The following RGS6 variants were observed in gnomAD, a reference collection of about 807,000 sequenced individuals.
RGS6 encodes regulator of G-protein signaling 6.
A neutral mutation model predicts 78.5 loss-of-function variants in RGS6; 30 were observed. The observed-to-expected ratio is 0.38, with a 90% CI of 0.29 to 0.52. RGS6 has a LOEUF of 0.52. Ranked by LOEUF, RGS6 falls within the 20% of genes least tolerant of loss-of-function variation. The pLI is 0.85. For missense variants in RGS6, 495 were observed against 609.7 expected (o/e 0.81, Z 1.98); for synonymous variants, 206 against 206.0 (o/e 1.00, Z 0.00).
intron 2 of RGS6, among the ~76,000 whole-genome samples, chr14:72,246,629 G>A (rs943258873): frequency 1.3e-5 from 2 of 152,116 alleles, no homozygotes; most frequent in African/African-American, 4.8e-5. Flanking sequence ...ATTATTGAAG[G>A]CTTGGCGCAG....
chr14:72,234,417 GA>G (rs141834761), intron 2 of RGS6, among the ~76,000 whole-genome samples: 5 of 147,164 alleles, frequency 3.4e-5, no homozygotes, highest in African/African-American at 1.0e-4. Context: ...TTTGTGAGAA[GA>G]AAAAAAAAAC....
intron 2 of RGS6, among the ~76,000 whole-genome samples, chr14:72,215,528 G>T (rs1399026321): frequency 1.3e-5 from 2 of 152,158 alleles, no homozygotes; most frequent in Non-Finnish European, 2.9e-5. Context: ...AAGAGGCAGG[G>T]TCATTTATAA....
chr14:72,399,852 GAAAC>G lies in RGS6; in HGVS notation c.184+47666_184+47669del, dbSNP rs1316127943. Among the ~76,000 whole-genome samples, 5 of 152,266 alleles carry G rather than the reference GAAAC, an allele frequency of 3.3e-5. No homozygotes were observed. The South Asian group carries it at 6.2e-4, about 19-fold the overall frequency. On this transcript the variant is annotated intron_variant, in intron 3 of 17. Coordinates refer to ENST00000553525, the MANE Select transcript of RGS6 (RefSeq NM_001204424.2). ...AAGTTTAGAGAAAAAAGAATAAAAA[GAAAC>G]AAACAAAGCCTCCAAGAAATATGGG...
chr14:72,007,152 A>AT (rs34446409), intron 2 of RGS6, among the ~76,000 whole-genome samples: 99,118 of 148,762 alleles, frequency 0.67, 33,246 homozygotes, highest in Non-Finnish European at 0.73. Context: ...GTGCTTTCTG[A>AT]TTTTTTTTTT....
At chr14:72,558,920 G>C (rs2097628478) in intron 17 of RGS6, among the ~76,000 whole-genome samples, 1 of 152,186 alleles carries the variant, frequency 6.6e-6, no homozygotes, top group Non-Finnish European at 1.5e-5. Flanking sequence ...ACCATCCTCA[G>C]CTGCTTCGCT....
At chr14:72,347,006 G>A (rs890111868) in intron 2 of RGS6, among the ~76,000 whole-genome samples, 6 of 152,160 alleles carry the variant, frequency 3.9e-5, no homozygotes, top group African/African-American at 1.4e-4. Flanking sequence ...CTTGAAGAAG[G>A]ACATTCTCGT....
intron 3 of RGS6, among the ~76,000 whole-genome samples, chr14:72,362,617 C>G (rs2081664019): frequency 6.6e-6 from 1 of 152,196 alleles, no homozygotes; most frequent in South Asian, 2.1e-4. Context: ...TTAGATTGGG[C>G]TTCTTCACAG....
At chr14:72,531,171 G>A (rs1165486186) in intron 15 of RGS6, among the ~76,000 whole-genome samples, 4 of 152,146 alleles carry the variant, frequency 2.6e-5, no homozygotes, top group Non-Finnish European at 5.9e-5. Context: ...GGTGGCTCAC[G>A]CCTGTAATCC....
chr14:72,496,150 A>G (rs2096642019), intron 13 of RGS6, among the ~76,000 whole-genome samples: 1 of 152,244 alleles, frequency 6.6e-6, no homozygotes, highest in Admixed American at 6.5e-5. Context: ...ATGTGCATAA[A>G]GAAGAAAATG....
At chr14:72,103,469 C>T (rs933652159) in intron 2 of RGS6, among the ~76,000 whole-genome samples, 1 of 152,214 alleles carries the variant, frequency 6.6e-6, no homozygotes, top group African/African-American at 2.4e-5. Flanking sequence ...CTTTCATTAT[C>T]TCTTTTGCTC....
chr14:71,964,030 GTTT>G (rs36072896), intron 1 of RGS6, among the ~76,000 whole-genome samples: 1 of 147,476 alleles, frequency 6.8e-6, no homozygotes, highest in African/African-American at 2.5e-5. Flanking sequence ...CTTACTTGAG[GTTT>G]TTTTTTTTTA....
intron 2 of RGS6, among the ~76,000 whole-genome samples, chr14:72,186,577 T>C (rs541476642): frequency 3.6e-4 from 55 of 152,248 alleles, no homozygotes; most frequent in African/African-American, 1.1e-3. Flanking sequence ...TCTGGGATAA[T>C]AAAAACATTC....
chr14:72,048,775 A>G (rs2093039251), intron 2 of RGS6, among the ~76,000 whole-genome samples: 1 of 151,892 alleles, frequency 6.6e-6, no homozygotes, highest in Admixed American at 6.6e-5. Flanking sequence ...TTTCTATTCT[A>G]TTTTTTAAAC....
the RGS6 span, among the ~76,000 whole-genome samples, chr14:72,575,778 G>A: frequency 6.6e-6 from 1 of 152,164 alleles, no homozygotes; most frequent in African/African-American, 2.4e-5. Flanking sequence ...TCCATAATGT[G>A]CACCATAAAT....
chr14:72,251,489 G>A (rs2055763505), intron 2 of RGS6, among the ~76,000 whole-genome samples: 1 of 152,132 alleles, frequency 6.6e-6, no homozygotes, highest in African/African-American at 2.4e-5. Context: ...ACTTTCTGAG[G>A]TATTCCAATT....
chr14:72,521,279 C>G (rs2097034625), intron 15 of RGS6, among the ~76,000 whole-genome samples: 1 of 152,162 alleles, frequency 6.6e-6, no homozygotes, highest in Admixed American at 6.5e-5. Context: ...GTCTCTAAAC[C>G]ACAATGCTAA....
At chr14:72,113,078 G>GCATGCACACA (rs371128143) in intron 2 of RGS6, among the ~76,000 whole-genome samples, 1 of 70,504 alleles carries the variant, frequency 1.4e-5, no homozygotes, top group African/African-American at 3.6e-5. Flanking sequence ...ACACACACAC[G>GCATGCACACA]CATGCACGCA....
chr14:72,540,026 T>C lies in RGS6; in HGVS notation c.1369-15T>C, dbSNP rs536390077. The C allele has an allele frequency of 9.6e-6, 15 of 1,557,258 alleles. No homozygotes were observed. The East Asian group carries it at 3.1e-4, about 33-fold the overall frequency. On this transcript the variant is annotated splice_polypyrimidine_tract_variant and intron_variant, in intron 16 of 17. Coordinates refer to ENST00000553525, the MANE Select transcript of RGS6 (RefSeq NM_001204424.2). ...TCTGTATTTTTCTCCCTACCCTTTT[T>C]TTTTTTTCCTAAAGCCAGAAAGTGA... is the stretch of plus-strand genomic sequence containing the variant.
At chr14:72,075,824 G>A (rs1458321433) in intron 2 of RGS6, among the ~76,000 whole-genome samples, 1 of 152,188 alleles carries the variant, frequency 6.6e-6, no homozygotes, top group African/African-American at 2.4e-5. Context: ...GGACGGCAGT[G>A]TCAGTGTTGG....
Sources: gnomAD v4.1 joint callset for allele counts (sites outside exome capture counted in the v4.1 genomes callset) on GRCh38, gnomAD v4.1.1 for gene constraint, MANE v1.5 for transcripts, NCBI Gene and HGNC (gene_info 2026-07-23, HGNC 2026-07-21) for gene names.